The following SBF1 variants were observed in gnomAD, a reference collection of about 807,000 sequenced individuals.
SBF1 encodes SET binding factor 1, also known as myotubularin-related protein 5.
A neutral mutation model predicts 215.8 loss-of-function variants in SBF1; 65 were observed. The observed-to-expected ratio is 0.30, with a 90% CI of 0.25 to 0.37. The LOEUF (loss-of-function observed/expected upper bound fraction) is 0.37. Ranked by LOEUF, SBF1 falls within the 10% of genes least tolerant of loss-of-function variation. SBF1 has a pLI of 1.00. For synonymous variants in SBF1, 1,410 were observed against 1,122.8 expected, an observed-to-expected ratio of 1.26 and a Z score of -5.11; for missense variants, 2,634 against 2,667.8, an observed-to-expected ratio of 0.99 and a Z score of 0.28.
Position 50,462,547 on chromosome 22 carries a change from G to C in SBF1, c.2127+12C>G. On this transcript the variant is annotated intron_variant, in intron 18 of 40. Transcript: ENST00000380817. ...TAGCCCCCAGCCCCCAGCCCAGGGAGTCCCTGCGCACCTGGGCGGGGGCCA... is the reference window on the plus strand; with the variant it reads ...TAGCCCCCAGCCCCCAGCCCAGGGACTCCCTGCGCACCTGGGCGGGGGCCA... The C allele has an allele frequency of 4.3e-6, 7 of 1,609,968 alleles. No homozygotes were observed. The highest frequency in any genetic ancestry group is 1.1e-5 in the South Asian group (1 of 90,822).
intron 16 of SBF1, 73 bp downstream of exon 16, chr22:50,463,210 C>G: frequency 6.3e-7 from 1 of 1,579,218 alleles, no homozygotes; most frequent in Non-Finnish European, 8.6e-7. Flanking sequence ...CTCTCACTCA[C>G]AGACCAGGGT....
chr22:50,468,053 C>G, intron 2 of SBF1, 130 bp from the exon 3 acceptor site: 2 of 1,212,908 alleles, frequency 1.6e-6, no homozygotes, highest in Middle Eastern at 2.1e-4. Flanking sequence ...CTTGGAGACC[C>G]TGGGGACACG....
rs187713891 is a variant in SBF1, at chr22:50,452,446, C to T, written c.5043+2066G>A. Among the ~76,000 whole-genome samples the T allele has an allele frequency of 7.3e-4, 111 of 152,124 alleles. 1 individual carries two copies. Among genetic ancestry groups the T allele is most frequent in the African/African-American group, 2.6e-3 (106 of 41,498 alleles). ...TTTAAAACAAAAACAGGGCCGGGCA[C>T]GGTGGCTCACGCCTGTAATCCCAGC... is the stretch of plus-strand genomic sequence containing the variant. On this transcript the variant is annotated intron_variant, in intron 36 of 40. Transcript: ENST00000380817.
intron 33 of SBF1, 30 bp downstream of exon 33, chr22:50,455,194 C>T (rs1162847918): frequency 1.2e-6 from 2 of 1,612,734 alleles, no homozygotes; most frequent in East Asian, 2.2e-5. Flanking sequence ...GGTGCACAGT[C>T]CCGGCCCACC....
chr22:50,458,068 G>A (rs548210693), intron 28 of SBF1, among the ~76,000 whole-genome samples: 2 of 152,312 alleles, frequency 1.3e-5, no homozygotes, highest in South Asian at 4.1e-4. Context: ...GGGAGGCCGA[G>A]GCGGGCGGAT....
At chr22:50,467,162 G>A in intron 5 of SBF1, 176 bp downstream of exon 5, 1 of 611,312 alleles carries the variant, frequency 1.6e-6, no homozygotes. Flanking sequence ...CAGAGCACAG[G>A]TGCGAGGGCC....
intron 36 of SBF1, among the ~76,000 whole-genome samples, chr22:50,449,625 A>C (rs11703887): frequency 0.018 from 2,630 of 146,948 alleles, 25 homozygotes; most frequent in Admixed American, 0.026. Flanking sequence ...AAAACACACA[A>C]ACACACACAC....
At chr22:50,459,718 G>A in intron 26 of SBF1, 52 bp from the exon 27 acceptor site, 1 of 1,520,590 alleles carries the variant, frequency 6.6e-7, no homozygotes, top group Non-Finnish European at 8.8e-7. Flanking sequence ...CCGCCTCCAG[G>A]CTCACGCCCC....
chr22:50,449,029 C>G (rs896912227), intron 36 of SBF1, among the ~76,000 whole-genome samples: 1 of 151,860 alleles, frequency 6.6e-6, no homozygotes, highest in African/African-American at 2.4e-5. Context: ...GAAACCGCAT[C>G]TCTACTAAAA....
intron 36 of SBF1, among the ~76,000 whole-genome samples, chr22:50,452,723 C>CAAAAAAA (rs57951967): frequency 2.5e-4 from 10 of 39,536 alleles, no homozygotes; most frequent in African/African-American, 1.3e-3. Flanking sequence ...CTCCATCTCT[C>CAAAAAAA]AAAAAAAAAA....
intron 15 of SBF1, among the ~76,000 whole-genome samples, chr22:50,463,656 T>C (rs527280771): frequency 6.6e-6 from 1 of 152,334 alleles, no homozygotes; most frequent in African/African-American, 2.4e-5. Flanking sequence ...ATGCTGCACC[T>C]GTGAGCTGGC....
rs745689851 is a variant in SBF1, at chr22:50,446,884, C to G, written c.*258G>C. ...CGCTGGCTGGACCAGCACACGCTGA[C>G]GGGGCCGGACTATTTACAGGCCCAT... On this transcript the variant is annotated 3_prime_UTR_variant, in exon 41 of 41. Transcript: ENST00000380817. 1 of 743,452 alleles carries G rather than the reference C, an allele frequency of 1.3e-6. No individual in the cohort carries two copies. The highest frequency in any genetic ancestry group is 2.5e-6 in the Non-Finnish European group (1 of 406,448). 46.1% of individuals were successfully genotyped at this position (743,452 alleles called of 1,614,324 possible).
At chr22:50,471,298 C>T (rs972497580) in intron 1 of SBF1, among the ~76,000 whole-genome samples, 3 of 152,254 alleles carry the variant, frequency 2.0e-5, no homozygotes, top group African/African-American at 2.4e-5. Flanking sequence ...AATGTCCCTG[C>T]GGCCAGCCCC....
intron 28 of SBF1, 131 bp downstream of exon 28, chr22:50,459,121 GCTC>G: frequency 7.6e-7 from 1 of 1,312,806 alleles, no homozygotes; most frequent in East Asian, 2.5e-5. Flanking sequence ...CGGAGGGCAT[GCTC>G]CTCATCCCAC....
At chr22:50,468,483 C>A (rs1267991419) in intron 1 of SBF1, 22 bp from the exon 2 acceptor site, 3 of 1,545,920 alleles carry the variant, frequency 1.9e-6, no homozygotes, top group South Asian at 1.2e-5. Flanking sequence ...AACAGGGGGT[C>A]AGAGCACCCA....
intron 15 of SBF1, 147 bp from the exon 16 acceptor site, chr22:50,463,579 C>G: frequency 1.2e-6 from 1 of 869,288 alleles, no homozygotes; most frequent in Non-Finnish European, 1.7e-6. Context: ...CCAATAAAGA[C>G]TAAAACCTCC....
rs200103683 is a variant in SBF1 at position 50,447,194 on chromosome 22, G to A, written c.5630C>T (p.Pro1877Leu). 1.0e-3 allele frequency: 1,622 copies of A among 1,613,734 alleles called. 7 individuals are homozygous for A. Among genetic ancestry groups the A allele is most frequent in the Middle Eastern group, 3.8e-3 (23 of 6,054 alleles). ...CCGGTCCACCCACTGCTGGGCCGAG[G>A]GCACGTCCTGGGCACAGAAGTTGTA... ...RVYNFCAQDV[P>L]SAQQWVDRIQ... The change falls in exon 41 of 41, where the codon CCC becomes CTC. Residue 1877 changes from proline (P) to leucine (L), a missense_variant. Transcript: ENST00000380817.
intron 28 of SBF1, among the ~76,000 whole-genome samples, chr22:50,457,957 G>GGC (rs2067323615): frequency 6.6e-6 from 1 of 152,232 alleles, no homozygotes; most frequent in Admixed American, 6.5e-5. Flanking sequence ...TGAGGACGCA[G>GGC]CACCAGCCTG....
rs774352417 is a variant in SBF1 at position 50,461,636 on chromosome 22, C to T, written c.2726G>A (p.Arg909His). 16 of 1,611,188 alleles carry T rather than the reference C, an allele frequency of 9.9e-6. No individual in the cohort carries two copies. The highest frequency in any genetic ancestry group is 8.3e-5 in the Admixed American group (5 of 59,974). The change falls in exon 22 of 41, where the codon CGT becomes CAT. Residue 909 changes from arginine (R) to histidine (H), a missense_variant. By Grantham distance (29) the Arg-to-His change is conservative. Coordinates refer to ENST00000380817, the MANE Select transcript of SBF1 (RefSeq NM_002972.4). ...AGCACTGCCCCCCGCGCCCTCCTCA[C>T]GCCCATCCGGCAGCAGGTAGACGCG... ...GLRVYLLPDGREEGAGGSAGG... is the reference protein window; with the variant it reads ...GLRVYLLPDGHEEGAGGSAGG...
Sources: allele counts gnomAD v4.1 joint callset (sites outside exome capture counted in the v4.1 genomes callset), GRCh38; gene constraint gnomAD v4.1.1; transcripts MANE v1.5; gene names NCBI Gene and HGNC (gene_info 2026-07-23, HGNC 2026-07-21).